Variants in PCGF6 observed in about 807,000 individuals in gnomAD.
The protein encoded by PCGF6 is polycomb group ring finger 6.
In PCGF6, 24 loss-of-function variants were observed where a neutral mutation model predicts 45.5. That is an observed-to-expected ratio of 0.53 (90% CI 0.38 to 0.74). The LOEUF (loss-of-function observed/expected upper bound fraction) is 0.74, where lower values mean the gene tolerates loss of function less well. PCGF6 is among the 30% of genes least tolerant of loss of function. The pLI, the probability that PCGF6 is intolerant of heterozygous loss-of-function variation, is 0.00. For missense variants in PCGF6, 356 were observed against 443.2 expected, an observed-to-expected ratio of 0.80 and a Z score of 1.77; for synonymous variants, 152 against 162.1, an observed-to-expected ratio of 0.94 and a Z score of 0.47.
chr10:103,320,707 G>A (rs2093194143), intron 8 of PCGF6, among the ~76,000 whole-genome samples: 1 of 151,276 alleles, frequency 6.6e-6, no homozygotes, highest in Non-Finnish European at 1.5e-5. Context: ...AAAAAGATCT[G>A]TATTTTTTAA....
At chr10:103,326,477 A>G (rs2093219119) in intron 8 of PCGF6, 57 bp downstream of exon 8, 2 of 1,025,272 alleles carry the variant, frequency 2.0e-6, no homozygotes, top group East Asian at 2.6e-5. Flanking sequence ...TTCTTTCTAC[A>G]GTGTGCTAAA....
intron 9 of PCGF6, among the ~76,000 whole-genome samples, chr10:103,311,012 C>T (rs2093155431): frequency 6.6e-6 from 1 of 152,112 alleles, no homozygotes; most frequent in Admixed American, 6.6e-5. Flanking sequence ...ATTTTTCTAT[C>T]CTTTGTAAAG....
At chr10:103,334,746 G>A (rs911794918) in intron 6 of PCGF6, among the ~76,000 whole-genome samples, 5 of 152,130 alleles carry the variant, frequency 3.3e-5, no homozygotes, top group Non-Finnish European at 2.9e-5. Context: ...AGGGAGACAA[G>A]GGTATCTAAC....
rs1248188474 is a variant in PCGF6 at position 103,347,287 on chromosome 10, C to T, written c.624G>A (p.Lys208=). 2 of 1,608,782 alleles carry T rather than the reference C, an allele frequency of 1.2e-6. No individual in the cohort carries two copies. The highest frequency in any genetic ancestry group is 1.7e-4 in the Middle Eastern group (1 of 6,058). ...LVINLEEREK[K]QMHDFYKERG... ...TTTCTTTATAGAAATCATGCATTTG[C>T]TTTTTTTCTCCTAAAAAATGATAAA... The change falls in exon 5 of 10, where the codon AAG becomes AAA. Residue 208 remains lysine (K), a synonymous_variant. Coordinates refer to ENST00000369847, the MANE Select transcript of PCGF6 (RefSeq NM_001011663.2).
At position 103,351,114 on chromosome 10, in the gene PCGF6, G is replaced by A; in HGVS notation, c.-48C>T. 1.5e-6 allele frequency: 2 copies of A among 1,338,184 alleles called. No individual in the cohort carries two copies. Among genetic ancestry groups the A allele is most frequent in the East Asian group, 2.8e-5 (1 of 35,766 alleles). The allele number at this position is 1,338,184 out of a possible 1,614,324, so 82.9% of individuals were successfully genotyped here. On this transcript the variant is annotated 5_prime_UTR_variant, in exon 1 of 10. Coordinates refer to ENST00000369847, the MANE Select transcript of PCGF6 (RefSeq NM_001011663.2). ...GGCGAGGCGGCGGGAGAGCGCGGGA[G>A]TTCGGCCGGCCTCGGACGCCACCAC...
chr10:103,332,983 G>A (rs191755516), intron 7 of PCGF6, among the ~76,000 whole-genome samples: 282 of 152,100 alleles, frequency 1.9e-3, no homozygotes, highest in Non-Finnish European at 3.4e-3. Flanking sequence ...GCGTGGTGGT[G>A]CATGCCTGTA....
intron 9 of PCGF6, 131 bp downstream of exon 9, chr10:103,314,055 T>C (rs2093166445): frequency 2.5e-6 from 1 of 396,018 alleles, no homozygotes; most frequent in Non-Finnish European, 4.4e-6. Flanking sequence ...TGATAAATAT[T>C]AAATATAATT....
At chr10:103,330,157 C>T (rs185323638) in intron 7 of PCGF6, among the ~76,000 whole-genome samples, 1 of 152,024 alleles carries the variant, frequency 6.6e-6, no homozygotes, top group African/African-American at 2.4e-5. Context: ...TCACTGCAGC[C>T]TCTGCCTCCC....
chr10:103,316,026 A>C (rs1478296618), intron 8 of PCGF6, among the ~76,000 whole-genome samples: 1 of 151,296 alleles, frequency 6.6e-6, no homozygotes, highest in East Asian at 1.9e-4. Flanking sequence ...AGAGAGAGAG[A>C]GAGAGAGAGA....
At chr10:103,335,032 A>G (rs964591517) in intron 6 of PCGF6, among the ~76,000 whole-genome samples, 1 of 152,076 alleles carries the variant, frequency 6.6e-6, no homozygotes, top group Non-Finnish European at 1.5e-5. Context: ...TCACAATTCC[A>G]TCATCTCCAA....
intron 7 of PCGF6, among the ~76,000 whole-genome samples, chr10:103,327,632 A>G (rs546629631): frequency 5.1e-4 from 77 of 151,988 alleles, no homozygotes; most frequent in Admixed American, 8.5e-4. Context: ...CTACTTTTGT[A>G]TAAGTTTTAA....
At chr10:103,322,268 A>G (rs920729707) in intron 8 of PCGF6, among the ~76,000 whole-genome samples, 1 of 151,930 alleles carries the variant, frequency 6.6e-6, no homozygotes, top group East Asian at 2.0e-4. Flanking sequence ...TGGTGCAATC[A>G]TGGATCACTG....
intron 8 of PCGF6, among the ~76,000 whole-genome samples, chr10:103,324,328 GAAA>G (rs35051041): frequency 1.2e-4 from 16 of 131,662 alleles, no homozygotes; most frequent in Non-Finnish European, 1.5e-4. Flanking sequence ...TTTGACTAAT[GAAA>G]AAAAAAAAAA....
chr10:103,350,332 C>T (rs1345645895), intron 1 of PCGF6, among the ~76,000 whole-genome samples: 2 of 149,744 alleles, frequency 1.3e-5, no homozygotes, highest in African/African-American at 4.9e-5. Flanking sequence ...CCAGCTACTC[C>T]GGAGGCTGAG....
intron 7 of PCGF6, among the ~76,000 whole-genome samples, chr10:103,327,349 G>C (rs1316794941): frequency 1.3e-5 from 2 of 151,962 alleles, no homozygotes; most frequent in Non-Finnish European, 2.9e-5. Context: ...GATGGAGAAG[G>C]AATGGCGAGA....
rs1191965991 is a variant in PCGF6 at position 103,340,198 on chromosome 10, A to AAT, written c.782+4824_782+4825dup. Among the ~76,000 whole-genome samples the AAT allele has an allele frequency of 3.8e-3, 333 of 87,848 alleles. 10 individuals carry two copies. Among genetic ancestry groups the AAT allele is most frequent in the African/African-American group, 0.013 (237 of 18,832 alleles). 57.6% of individuals were successfully genotyped at this position (87,848 alleles called of 152,430 possible). On this transcript the variant is annotated intron_variant, in intron 6 of 9. Coordinates refer to ENST00000369847, the MANE Select transcript of PCGF6 (RefSeq NM_001011663.2). ...TCTCAGGGAAAAAAAAAAAAAAAAA[A>AAT]ATATATATATATATATATATATATT...
rs2093320344 is a variant in PCGF6 at position 103,351,125 on chromosome 10, C to T, written c.-59G>A. On this transcript the variant is annotated 5_prime_UTR_variant, in exon 1 of 10. Coordinates refer to ENST00000369847, the MANE Select transcript of PCGF6 (RefSeq NM_001011663.2). ...GGGAGAGCGCGGGAGTTCGGCCGGCCTCGGACGCCACCACTGCGCAGGCGC... is the reference window on the plus strand; with the variant it reads ...GGGAGAGCGCGGGAGTTCGGCCGGCTTCGGACGCCACCACTGCGCAGGCGC... The T allele has an allele frequency of 4.5e-6, 6 of 1,330,592 alleles. No homozygotes were observed. Among genetic ancestry groups the T allele is most frequent in the Admixed American group, 3.0e-5 (1 of 32,800 alleles). The allele number at this position is 1,330,592 out of a possible 1,614,324, so 82.4% of individuals were successfully genotyped here.
intron 6 of PCGF6, among the ~76,000 whole-genome samples, chr10:103,342,481 G>A (rs780312884): frequency 2.6e-5 from 4 of 151,792 alleles, no homozygotes; most frequent in African/African-American, 4.8e-5. Flanking sequence ...TAATCTGCCC[G>A]CCTCGGCCTC....
intron 8 of PCGF6, among the ~76,000 whole-genome samples, chr10:103,315,212 G>T (rs1302766663): frequency 6.6e-6 from 1 of 152,038 alleles, no homozygotes; most frequent in Non-Finnish European, 1.5e-5. Flanking sequence ...CCCAGACAGG[G>T]TGTCACTCTG....
Sources: allele counts gnomAD v4.1 joint callset (sites outside exome capture counted in the v4.1 genomes callset), GRCh38; gene constraint gnomAD v4.1.1; transcripts MANE v1.5; gene names NCBI Gene and HGNC (gene_info 2026-07-23, HGNC 2026-07-21).